Variants in ARHGAP45 observed in about 807,000 individuals in gnomAD.
ARHGAP45 encodes Rho GTPase activating protein 45, also known as rho GTPase-activating protein 45.
A neutral mutation model predicts 116.1 loss-of-function variants in ARHGAP45; 56 were observed. The observed-to-expected ratio is 0.48, with a 90% CI of 0.39 to 0.60. ARHGAP45 has a LOEUF of 0.60. ARHGAP45 is among the 20% of genes least tolerant of loss of function. ARHGAP45 has a pLI of 0.00. For synonymous variants in ARHGAP45, 866 were observed against 701.7 expected (o/e 1.23, Z -3.70); for missense variants, 1,622 against 1,601.0 (o/e 1.01, Z -0.22).
chr19:1,081,560 C>T lies in ARHGAP45; in HGVS notation c.2201C>T (p.Ala734Val), dbSNP rs527800226. ...QGAECEECCLACHKKCLETLA... is the reference protein window; with the variant it reads ...QGAECEECCLVCHKKCLETLA... The stretch of plus-strand genomic sequence containing the variant: ...TCTGGCCGCCCCCAGTGCTGCCTGG[C>T]CTGCCACAAGAAATGTCTGGAGACG... The change falls in exon 18 of 23, where the codon GCC becomes GTC. Residue 734 changes from alanine (A) to valine (V), a missense_variant. Physicochemically the swap from Ala to Val is moderately conservative, Grantham distance 64 (BLOSUM62 0). Transcript: ENST00000313093. 3 of 1,482,240 alleles carry T rather than the reference C, an allele frequency of 2.0e-6. No homozygotes were observed. The highest frequency in any genetic ancestry group is 1.4e-5 in the African/African-American group (1 of 70,796). The allele number at this position is 1,482,240 out of a possible 1,614,324, so 91.8% of individuals were successfully genotyped here.
In ARHGAP45 at chr19:1,069,420, C is replaced by A. The variant is rs752595842; in HGVS notation, c.421+676C>A. 6.6e-6 allele frequency among the ~76,000 whole-genome samples: 1 copy of A among 152,250 alleles called. No individual in the cohort carries two copies. The highest frequency in any genetic ancestry group is 1.5e-5 in the Non-Finnish European group (1 of 68,048). ...CACCTCATGTGCTGCCTTCAGCCCC[C>A]GGCTCCTCCCAGAAACCACAGTGCC... On this transcript the variant is annotated intron_variant, in intron 2 of 22. Coordinates refer to ENST00000313093, the MANE Select transcript of ARHGAP45 (RefSeq NM_012292.5). This position sits in a 1 kb window ranked among gnomAD's most constrained non-coding sequence, Gnocchi z 4.1.
At chr19:1,072,067 CCTTT>C (rs2043151868) in intron 2 of ARHGAP45, among the ~76,000 whole-genome samples, 1 of 149,662 alleles carries the variant, frequency 6.7e-6, no homozygotes, top group Non-Finnish European at 1.5e-5. Flanking sequence ...TCTTTTCTTT[CCTTT>C]CTTTTTGGGA....
upstream of ARHGAP45, chr19:1,066,247 ACTTGGGGAGG>A: frequency 1.2e-6 from 1 of 861,684 alleles, no homozygotes; most frequent in Non-Finnish European, 1.6e-6. Flanking sequence ...CAGCAGGGAG[ACTTGGGGAGG>A]GGGGAGAGAG....
chr19:1,081,901 C>T lies in ARHGAP45; in HGVS notation c.2457C>T (p.Val819=), dbSNP rs764377833. 3 of 1,612,950 alleles carry T rather than the reference C, an allele frequency of 1.9e-6. No homozygotes were observed. The African/African-American group carries it at 4.0e-5, about 22-fold the overall frequency. Residue 819 remains valine (V), a synonymous_variant, in exon 19 of 23, where the codon GTC becomes GTT. Coordinates refer to ENST00000313093, the MANE Select transcript of ARHGAP45 (RefSeq NM_012292.5). ...CQAFENGKEL[V]ELSQASPHDI... ...CCTTCGAGAACGGCAAGGAGCTGGT[C>T]GAGCTGTCGCAGGCCTCGCCCCACG...
rs1249670200 is a variant in ARHGAP45, at chr19:1,081,600, C to T, written c.2241C>T (p.Cys747=). 1.9e-6 allele frequency: 3 copies of T among 1,544,446 alleles called. No homozygotes were observed. The highest frequency in any genetic ancestry group is 1.2e-5 in the South Asian group (1 of 83,134). ...KKCLETLAIQ[C]GHKKLQGRLQ... is the part of the protein sequence containing the mutation. ...GTCTGGAGACGCTGGCCATACAGTGCGGGCACAAGAAGCTGCAAGGCCGCC... is the reference window on the plus strand; with the variant it reads ...GTCTGGAGACGCTGGCCATACAGTGTGGGCACAAGAAGCTGCAAGGCCGCC... The change falls in exon 18 of 23, where the codon TGC becomes TGT. Residue 747 remains cysteine, a synonymous_variant. Transcript: ENST00000313093.
intron 22 of ARHGAP45, 98 bp from the exon 23 acceptor site, chr19:1,085,562 C>G (rs1223726741): frequency 1.0e-5 from 9 of 888,124 alleles, no homozygotes; most frequent in Admixed American, 2.8e-5. Flanking sequence ...TCTCTCCCCC[C>G]TCTCCTGTCT....
rs988054008 is a variant in ARHGAP45, at chr19:1,069,305, C to T, written c.421+561C>T. Among the ~76,000 whole-genome samples the T allele has an allele frequency of 2.0e-5, 3 of 152,146 alleles. No homozygotes were observed. The highest frequency in any genetic ancestry group is 7.2e-5 in the African/African-American group (3 of 41,448). On this transcript the variant is annotated intron_variant, in intron 2 of 22. Coordinates refer to ENST00000313093, the MANE Select transcript of ARHGAP45 (RefSeq NM_012292.5). The surrounding 1 kb of genome is among the most constrained non-coding windows in gnomAD (Gnocchi z 4.1). ...CCAGCGGCCTGCAGGCCGGCAGTTC[C>T]GTTTTCTCCTCCACGCGGCCGCTGA...
chr19:1,081,880 C>A lies in ARHGAP45; in HGVS notation c.2436C>A (p.Phe812Leu). The A allele has an allele frequency of 6.2e-7, 1 of 1,613,136 alleles. No individual in the cohort carries two copies. Among genetic ancestry groups the A allele is most frequent in the Non-Finnish European group, 8.5e-7 (1 of 1,179,860 alleles). Residue 812 changes from phenylalanine (F) to leucine (L), a missense_variant, in exon 19 of 23, where the codon TTC becomes TTA. Physicochemically the swap from Phe to Leu is conservative, Grantham distance 22. Coordinates refer to ENST00000313093, the MANE Select transcript of ARHGAP45 (RefSeq NM_012292.5). ...GCGTGGAGAAGCTGTGCCAGGCCTT[C>A]GAGAACGGCAAGGAGCTGGTCGAGC... ...KTRVEKLCQA[F>L]ENGKELVELS...
Position 1,074,893 on chromosome 19 carries a change from G to C in ARHGAP45, c.1185+14G>C. 1 of 1,446,828 alleles carries C rather than the reference G, an allele frequency of 6.9e-7. No homozygotes were observed. The highest frequency in any genetic ancestry group is 1.3e-5 in the South Asian group (1 of 76,702). The allele number at this position is 1,446,828 out of a possible 1,614,324, so 89.6% of individuals were successfully genotyped here. On this transcript the variant is annotated intron_variant, in intron 10 of 22. Coordinates refer to ENST00000313093, the MANE Select transcript of ARHGAP45 (RefSeq NM_012292.5). ...CAGAGGAAGCTGGTGAGGCGGGCGG[G>C]CGGGGGCGGGCGGGGGCGGGCAGCG...
rs149960692 is a variant in ARHGAP45, at chr19:1,085,691, G to A, written c.3096G>A (p.Ser1032=). The change falls in exon 23 of 23, where the codon TCG becomes TCA. Residue 1032 remains serine (S), a synonymous_variant. Transcript: ENST00000313093. ...ESRVVSNDSD[S]DLEEASELLS... ...GAGTTGTGTCCAACGATTCGGACTC[G>A]GACCTAGAGGAGGCCTCCGAGCTGC... 2,211 of 1,590,752 alleles carry A rather than the reference G, an allele frequency of 1.4e-3. 19 individuals carry two copies. In the African/African-American group the frequency reaches 0.025, roughly 18 times the overall value.
chr19:1,076,447 T>C (rs1399233971), intron 10 of ARHGAP45, among the ~76,000 whole-genome samples: 2 of 151,512 alleles, frequency 1.3e-5, no homozygotes, highest in East Asian at 1.9e-4. Flanking sequence ...TGTGGCCTAT[T>C]TTGCCAGGTA....
At chr19:1,076,483 C>CTTTTTTTTTTTTTTTT (rs71174343) in intron 10 of ARHGAP45, among the ~76,000 whole-genome samples, 2 of 64,980 alleles carry the variant, frequency 3.1e-5, no homozygotes, top group African/African-American at 1.2e-4. Flanking sequence ...TGGCAGTAGT[C>CTTTTTTTTTTTTTTTT]TTTTTTTTTT....
intron 5 of ARHGAP45, 64 bp from the exon 6 acceptor site, chr19:1,073,882 CCT>C: frequency 2.0e-6 from 3 of 1,530,972 alleles, no homozygotes; most frequent in Non-Finnish European, 2.6e-6. Flanking sequence ...GCAACCGTCC[CCT>C]GAAGGGTGGG....
chr19:1,068,500 A>T lies in ARHGAP45; in HGVS notation c.177A>T (p.Thr59=). Residue 59 remains threonine (T), a synonymous_variant, in exon 2 of 23, where the codon ACA becomes ACT. Coordinates refer to ENST00000313093, the MANE Select transcript of ARHGAP45 (RefSeq NM_012292.5). The surrounding 1 kb of genome is among the most constrained non-coding windows in gnomAD (Gnocchi z 7.5). ...CTGGGTCCTCCGGCGTCAAGGCCAC[A>T]GGGACCCTCAAGCGGCCCACCAGCC... The part of the protein sequence containing the change: ...PPAGSSGVKA[T]GTLKRPTSLS... 6.3e-7 allele frequency: 1 copy of T among 1,596,894 alleles called. No homozygotes were observed. The highest frequency in any genetic ancestry group is 8.5e-7 in the Non-Finnish European group (1 of 1,172,764).
Position 1,067,411 on chromosome 19 carries a change from C to T in ARHGAP45, c.6C>T (p.Phe2=), listed in dbSNP as rs778104842. Residue 2 remains phenylalanine, a synonymous_variant, in exon 1 of 23, where the codon TTC becomes TTT. Coordinates refer to ENST00000313093, the MANE Select transcript of ARHGAP45 (RefSeq NM_012292.5). ...CTCCCGGCCGGGGCCCCATCATGTTCTCCAGGAAGAAACGAGAGCTCATGA... is the reference window on the plus strand; with the variant it reads ...CTCCCGGCCGGGGCCCCATCATGTTTTCCAGGAAGAAACGAGAGCTCATGA... M[F]SRKKRELMKT... is the part of the protein sequence containing the mutation. 1.9e-5 allele frequency: 30 copies of T among 1,584,102 alleles called. No homozygotes were observed. The East Asian group carries it at 3.7e-4, about 19-fold the overall frequency.
chr19:1,071,279 C>T lies in ARHGAP45; in HGVS notation c.422-1870C>T. 1 of 1,479,162 alleles carries T rather than the reference C, an allele frequency of 6.8e-7. No individual in the cohort carries two copies. The highest frequency in any genetic ancestry group is 8.9e-7 in the Non-Finnish European group (1 of 1,119,884). 91.6% of individuals were successfully genotyped at this position (1,479,162 alleles called of 1,614,324 possible). Reference sequence around the variant, plus strand: ...CGCGCTCGCGGTCTCCGCGCCCCGACGGCTGCGCCATGTGTATCTGCGGGA... The same window carrying T: ...CGCGCTCGCGGTCTCCGCGCCCCGATGGCTGCGCCATGTGTATCTGCGGGA... On this transcript the variant is annotated intron_variant, in intron 2 of 22. Transcript: ENST00000313093. This position sits in a 1 kb window ranked among gnomAD's most constrained non-coding sequence, Gnocchi z 4.6.
chr19:1,071,139 A>T lies in ARHGAP45; in HGVS notation c.422-2010A>T. 3 of 1,270,480 alleles carry T rather than the reference A, an allele frequency of 2.4e-6. No homozygotes were observed. In the South Asian group the frequency reaches 5.1e-5, roughly 22 times the overall value. 78.7% of individuals were successfully genotyped at this position (1,270,480 alleles called of 1,614,324 possible). On this transcript the variant is annotated intron_variant, in intron 2 of 22. Transcript: ENST00000313093. This position sits in a 1 kb window ranked among gnomAD's most constrained non-coding sequence, Gnocchi z 4.6. ...AAGCTCTGCGGTTAAGGAAGGACCCAGGCTGGGGCGAACGGGACCCCAGGG... is the reference window on the plus strand; with the variant it reads ...AAGCTCTGCGGTTAAGGAAGGACCCTGGCTGGGGCGAACGGGACCCCAGGG...
At position 1,085,995 on chromosome 19, in the gene ARHGAP45, G is replaced by A; in HGVS notation, c.3400G>A (p.Glu1134Lys). 1 of 1,611,808 alleles carries A rather than the reference G, an allele frequency of 6.2e-7. No individual in the cohort carries two copies. ...GGGCTCCTGCAGGGAAAGGCAGCCGGAATTCGTGTGAGCTGGGGTGGGGCT... is the reference window on the plus strand; with the variant it reads ...GGGCTCCTGCAGGGAAAGGCAGCCGAAATTCGTGTGAGCTGGGGTGGGGCT... Reference protein sequence around the residue: ...TLGSCRERQPEFV With the variant: ...TLGSCRERQPKFV The change falls in exon 23 of 23, where the codon GAA becomes AAA. Residue 1134 changes from glutamate (E) to lysine (K), a missense_variant. By Grantham distance (56) the Glu-to-Lys change is moderately conservative. Transcript: ENST00000313093.
At chr19:1,073,794 G>A in intron 5 of ARHGAP45, 48 bp downstream of exon 5, 1 of 1,550,372 alleles carries the variant, frequency 6.5e-7, no homozygotes, top group South Asian at 1.2e-5. Flanking sequence ...CTGGAGGCCA[G>A]CCGGGTTCAG....
Sources: gnomAD v4.1 joint callset for allele counts (sites outside exome capture counted in the v4.1 genomes callset) on GRCh38, gnomAD v4.1.1 for gene constraint, Gnocchi (gnomAD v3.1) non-coding constraint, MANE v1.5 for transcripts, NCBI Gene and HGNC (gene_info 2026-07-23, HGNC 2026-07-21) for gene names.